PCDHGA12: variants seen among roughly 807,000 people sequenced by gnomAD.
PCDHGA12 encodes the protein protocadherin gamma-A12.
A neutral mutation model predicts 61.1 loss-of-function variants in PCDHGA12; 43 were observed. That is an observed-to-expected ratio of 0.70 (90% CI 0.55 to 0.91). The LOEUF is 0.91. PCDHGA12 is among the 40% of genes least tolerant of loss of function. The pLI is 0.00. For missense variants in PCDHGA12, 1,236 were observed against 1,227.7 expected, an observed-to-expected ratio of 1.01 and a Z score of -0.10; for synonymous variants, 520 against 542.9, an observed-to-expected ratio of 0.96 and a Z score of 0.59.
chr5:141,440,075 T>C (rs2098148518), intron 1 of PCDHGA12: 1 of 152,428 alleles, frequency 6.6e-6, no homozygotes, highest in Non-Finnish European at 1.5e-5. Flanking sequence ...TGAGGAATAA[T>C]ACTTCATTCT....
chr5:141,496,234 T>C (rs2154591884), intron 2 of PCDHGA12, among the ~76,000 whole-genome samples: 1 of 152,232 alleles, frequency 6.6e-6, no homozygotes, highest in Middle Eastern at 3.4e-3. Context: ...AGGAACCCCC[T>C]GCGGGCTGAA....
At position 141,491,187 on chromosome 5, in the gene PCDHGA12, G is replaced by A. The variant is rs2099709293; in HGVS notation, c.2425-3620G>A. ...CCCAGCAGGTGGTGGTCCTGGTGAG[G>A]GACAATGGTGACCCTTCACTCTCCT... On this transcript the variant is annotated intron_variant, in intron 1 of 3. Coordinates refer to ENST00000252085, the MANE Select transcript of PCDHGA12 (RefSeq NM_003735.3). The surrounding 1 kb of genome is among the most constrained non-coding windows in gnomAD (Gnocchi z 6.9). The A allele has an allele frequency of 6.2e-7, 1 of 1,614,064 alleles. No homozygotes were observed. The highest frequency in any genetic ancestry group is 1.1e-5 in the South Asian group (1 of 91,080).
chr5:141,455,314 T>G (rs565911988), intron 1 of PCDHGA12, among the ~76,000 whole-genome samples: 15 of 152,208 alleles, frequency 9.9e-5, no homozygotes, highest in African/African-American at 3.4e-4. Flanking sequence ...ATTAGCAATT[T>G]TGTGTGTGTG....
intron 1 of PCDHGA12, among the ~76,000 whole-genome samples, chr5:141,458,449 A>G (rs1483902182): frequency 6.6e-6 from 1 of 152,086 alleles, no homozygotes; most frequent in Non-Finnish European, 1.5e-5. Context: ...CCACATTAAC[A>G]ATTTTTAAAA....
chr5:141,510,015 A>G (rs2099879210), intron 3 of PCDHGA12, among the ~76,000 whole-genome samples: 1 of 152,210 alleles, frequency 6.6e-6, no homozygotes, highest in Non-Finnish European at 1.5e-5. Flanking sequence ...GTCATACCAC[A>G]TAGCTGGCTG....
chr5:141,502,457 A>G lies in PCDHGA12; in HGVS notation c.2484-2936A>G, dbSNP rs950959171. 6.6e-5 allele frequency among the ~76,000 whole-genome samples: 10 copies of G among 151,926 alleles called. No individual in the cohort carries two copies. The South Asian group carries it at 1.7e-3, about 25-fold the overall frequency. On this transcript the variant is annotated intron_variant, in intron 2 of 3. Coordinates refer to ENST00000252085, the MANE Select transcript of PCDHGA12 (RefSeq NM_003735.3). The stretch of plus-strand genomic sequence containing the variant: ...TTAGATTCAGATTACACACCTTGGT[A>G]GGAATACTTCCCGCAGCATCACACT...
intron 1 of PCDHGA12, chr5:141,440,995 C>G (rs1425894086): frequency 6.6e-6 from 1 of 152,154 alleles, no homozygotes; most frequent in Non-Finnish European, 1.5e-5. Context: ...GTACCCATAT[C>G]TAGTTTGGCC....
At chr5:141,481,638 T>G (rs1465682432) in intron 1 of PCDHGA12, among the ~76,000 whole-genome samples, 1 of 152,014 alleles carries the variant, frequency 6.6e-6, no homozygotes, top group Admixed American at 6.6e-5. Context: ...GCCAACATGG[T>G]GAAACTTCAT....
intron 1 of PCDHGA12, among the ~76,000 whole-genome samples, chr5:141,451,073 C>A (rs1346074089): frequency 6.6e-6 from 1 of 151,958 alleles, no homozygotes; most frequent in Non-Finnish European, 1.5e-5. Flanking sequence ...TGTGATCCAC[C>A]CACCTTGACC....
In PCDHGA12 at chr5:141,490,951, T is replaced by C. The variant is rs778168052; in HGVS notation, c.2425-3856T>C. 20 of 1,613,640 alleles carry C rather than the reference T, an allele frequency of 1.2e-5. No homozygotes were observed. Among genetic ancestry groups the C allele is most frequent in the Middle Eastern group, 1.6e-4 (1 of 6,084 alleles). On this transcript the variant is annotated intron_variant, in intron 1 of 3. Coordinates refer to ENST00000252085, the MANE Select transcript of PCDHGA12 (RefSeq NM_003735.3). This position sits in a 1 kb window ranked among gnomAD's most constrained non-coding sequence, Gnocchi z 5.4. The stretch of plus-strand genomic sequence containing the variant: ...AGCTGTGCTGCACCCACGGCCAGAC[T>C]GGGAACACTCAGCCCCCCAGCGTCT...
Position 141,489,662 on chromosome 5 carries a change from G to T in PCDHGA12, c.2425-5145G>T, listed in dbSNP as rs2233601. On this transcript the variant is annotated intron_variant, in intron 1 of 3. Transcript: ENST00000252085. The surrounding 1 kb of genome is among the most constrained non-coding windows in gnomAD (Gnocchi z 4.5). Reference sequence around the variant, plus strand: ...TTTGCCACCCCTGAGCGAGAGATGCGCATCTCAGAATCAGCAGCATCTGGG... The same window carrying T: ...TTTGCCACCCCTGAGCGAGAGATGCTCATCTCAGAATCAGCAGCATCTGGG... 2.5e-6 allele frequency: 4 copies of T among 1,614,024 alleles called. No homozygotes were observed. The African/African-American group carries it at 4.0e-5, about 16-fold the overall frequency.
intron 1 of PCDHGA12, chr5:141,475,949 G>A: frequency 1.3e-6 from 1 of 758,910 alleles, no homozygotes; most frequent in South Asian, 1.9e-5. Flanking sequence ...TCCCCTTTCT[G>A]CGCCCCGGGA....
rs143278253 is a variant in PCDHGA12 at position 141,476,491 on chromosome 5, C to T, written c.2425-18316C>T. 9.5e-5 allele frequency: 153 copies of T among 1,613,894 alleles called. No individual in the cohort carries two copies. The highest frequency in any genetic ancestry group is 5.4e-5 in the Non-Finnish European group (64 of 1,180,020). On this transcript the variant is annotated intron_variant, in intron 1 of 3. Transcript: ENST00000252085. This position sits in a 1 kb window ranked among gnomAD's most constrained non-coding sequence, Gnocchi z 7.6. ...AGCTGTTCAGCGTGGAAGTGGTGAT[C>T]CAGGACATCAACGACAACAATCCTG... is the stretch of plus-strand genomic sequence containing the variant.
chr5:141,490,846 G>T lies in PCDHGA12; in HGVS notation c.2425-3961G>T. 1 of 1,613,880 alleles carries T rather than the reference G, an allele frequency of 6.2e-7. No individual in the cohort carries two copies. Among genetic ancestry groups the T allele is most frequent in the Non-Finnish European group, 8.5e-7 (1 of 1,179,906 alleles). ...GCAGATGCTGCAGATTGTGGTGGGG[G>T]TTCGAGACTCCGGCTCTCCCCCATT... On this transcript the variant is annotated intron_variant, in intron 1 of 3. Coordinates refer to ENST00000252085, the MANE Select transcript of PCDHGA12 (RefSeq NM_003735.3). This position sits in a 1 kb window ranked among gnomAD's most constrained non-coding sequence, Gnocchi z 5.4.
chr5:141,431,442 TCC>T lies in PCDHGA12; in HGVS notation c.684_685del (p.Ile228MetfsTer42). ...CCGGTGCGCACAGGCACCGCGCGCATCCGCGTGATGGTTCTGGATGCGAACGA... is the reference window on the plus strand; with the variant it reads ...CCGGTGCGCACAGGCACCGCGCGCATGCGTGATGGTTCTGGATGCGAACGA... On this transcript the variant is annotated frameshift_variant, in exon 1 of 4. Transcript: ENST00000252085. LOFTEE classifies it high-confidence loss of function. This position sits in a 1 kb window ranked among gnomAD's most constrained non-coding sequence, Gnocchi z 4.8. 1 of 1,613,746 alleles carries T rather than the reference TCC, an allele frequency of 6.2e-7. No homozygotes were observed. The highest frequency in any genetic ancestry group is 1.3e-5 in the African/African-American group (1 of 75,074).
Position 141,485,920 on chromosome 5 carries a change from T to C in PCDHGA12, c.2425-8887T>C, listed in dbSNP as rs1374948804. ...CCTTCCAGCAATCCAGCTACAGGAT[T>C]AGTGTGTTGGAGAGCGCACCAGCGG... On this transcript the variant is annotated intron_variant, in intron 1 of 3. Transcript: ENST00000252085. This position sits in a 1 kb window ranked among gnomAD's most constrained non-coding sequence, Gnocchi z 5.7. 1.2e-6 allele frequency: 2 copies of C among 1,614,038 alleles called. No individual in the cohort carries two copies. Among genetic ancestry groups the C allele is most frequent in the Non-Finnish European group, 1.7e-6 (2 of 1,180,010 alleles).
At chr5:141,492,553 G>A (rs1184580300) in intron 1 of PCDHGA12, among the ~76,000 whole-genome samples, 1 of 152,148 alleles carries the variant, frequency 6.6e-6, no homozygotes, top group Non-Finnish European at 1.5e-5. Flanking sequence ...CGGGTCGCCT[G>A]GGGGGCGGCC....
rs145936007 is a variant in PCDHGA12, at chr5:141,490,795, C to T, written c.2425-4012C>T. 2.0e-5 allele frequency: 33 copies of T among 1,614,036 alleles called. No homozygotes were observed. Among genetic ancestry groups the T allele is most frequent in the Non-Finnish European group, 2.8e-5 (33 of 1,179,922 alleles). ...CCCAGAGGATGGACGGATCTTTGCC[C>T]AGCGTACCTTTGACTATGAATTGCT... On this transcript the variant is annotated intron_variant, in intron 1 of 3. Coordinates refer to ENST00000252085, the MANE Select transcript of PCDHGA12 (RefSeq NM_003735.3). This position sits in a 1 kb window ranked among gnomAD's most constrained non-coding sequence, Gnocchi z 5.4.
At chr5:141,483,854 T>C (rs2154580004) in intron 1 of PCDHGA12, among the ~76,000 whole-genome samples, 1 of 152,236 alleles carries the variant, frequency 6.6e-6, no homozygotes, top group South Asian at 2.1e-4. Flanking sequence ...ATTAAGAAAT[T>C]TCATGTCCAG....
Sources: allele counts gnomAD v4.1 joint callset (sites outside exome capture counted in the v4.1 genomes callset), GRCh38; gene constraint gnomAD v4.1.1; non-coding constraint Gnocchi (gnomAD v3.1); transcripts MANE v1.5; gene names NCBI Gene and HGNC (gene_info 2026-07-23, HGNC 2026-07-21).